Variants in METTL25 observed in about 807,000 individuals in gnomAD.
METTL25 encodes the protein methyltransferase like 25.
METTL25 carries 64 observed loss-of-function variants against 71.6 expected under a neutral mutation model. That is an observed-to-expected ratio of 0.89 (90% CI 0.73 to 1.10). The LOEUF (loss-of-function observed/expected upper bound fraction) is 1.10, where lower values mean the gene tolerates loss of function less well. METTL25 is among the 50% of genes least tolerant of loss of function. METTL25 has a pLI of 0.00. For missense variants in METTL25, 807 were observed against 707.0 expected, an observed-to-expected ratio of 1.14 and a Z score of -1.60; for synonymous variants, 287 against 250.3, an observed-to-expected ratio of 1.15 and a Z score of -1.38.
chr12:82,374,684 G>A (rs1883635966), intron 1 of METTL25, among the ~76,000 whole-genome samples: 1 of 152,214 alleles, frequency 6.6e-6, no homozygotes, highest in Non-Finnish European at 1.5e-5. Flanking sequence ...GAGTATGTGG[G>A]CATTCCAAGT....
intron 4 of METTL25, 53 bp from the exon 5 acceptor site, chr12:82,402,930 A>G (rs1029771023): frequency 7.3e-7 from 1 of 1,374,172 alleles, no homozygotes; most frequent in African/African-American, 1.5e-5. Context: ...TAAAAATTTT[A>G]AACAACCCTC....
chr12:82,373,100 G>A (rs1038093748), intron 1 of METTL25, among the ~76,000 whole-genome samples: 9 of 152,138 alleles, frequency 5.9e-5, no homozygotes, highest in Non-Finnish European at 4.4e-5. Context: ...GTCCCTTACT[G>A]ATGCATTATC....
chr12:82,430,769 T>C (rs1889416541), intron 5 of METTL25, 124 bp from the exon 6 acceptor site: 3 of 544,858 alleles, frequency 5.5e-6, no homozygotes, highest in South Asian at 5.6e-5. Context: ...AACATCACCA[T>C]TTCCATGTTT....
chr12:82,448,272 G>A (rs1212267922), intron 8 of METTL25, among the ~76,000 whole-genome samples: 2 of 152,008 alleles, frequency 1.3e-5, no homozygotes, highest in African/African-American at 4.8e-5. Flanking sequence ...TTCTTTAAGT[G>A]TAATTGTTTA....
chr12:82,458,589 T>G (rs757678589), intron 9 of METTL25, among the ~76,000 whole-genome samples: 4 of 151,948 alleles, frequency 2.6e-5, no homozygotes, highest in African/African-American at 4.8e-5. Context: ...CTTTGTGAGT[T>G]TTACCTTAAT....
At chr12:82,412,956 A>T (rs1439006309) in intron 5 of METTL25, among the ~76,000 whole-genome samples, 1 of 152,030 alleles carries the variant, frequency 6.6e-6, no homozygotes, top group Non-Finnish European at 1.5e-5. Flanking sequence ...TTAACATAAA[A>T]TTTTAAAAAA....
intron 8 of METTL25, 126 bp downstream of exon 8, chr12:82,438,917 G>A: frequency 1.4e-6 from 1 of 739,246 alleles, no homozygotes; most frequent in Non-Finnish European, 1.9e-6. Context: ...TGAGCATAAT[G>A]TCAATAACAA....
chr12:82,358,655 C>CCTGTCCAT lies in METTL25; in HGVS notation c.91_98dup (p.Ser34CysfsTer32), dbSNP rs755525298. ...GACTGCTGCAGTTCCTGAGGGATGC[C>CCTGTCCAT]CTGTCCATTTCCAATGCACATACCG... On this transcript the variant is annotated frameshift_variant, in exon 1 of 12. Transcript: ENST00000248306. LOFTEE classifies it high-confidence loss of function. The CCTGTCCAT allele has an allele frequency of 6.2e-7, 1 of 1,614,166 alleles. No individual in the cohort carries two copies. The highest frequency in any genetic ancestry group is 1.3e-5 in the African/African-American group (1 of 75,056).
At position 82,373,596 on chromosome 12, in the gene METTL25, G is replaced by T. The variant is rs563673208; in HGVS notation, c.260-13207G>T. Among the ~76,000 whole-genome samples the T allele has an allele frequency of 2.8e-4, 42 of 152,304 alleles. No homozygotes were observed. The South Asian group carries it at 8.7e-3, about 32-fold the overall frequency. On this transcript the variant is annotated intron_variant, in intron 1 of 11. Coordinates refer to ENST00000248306, the MANE Select transcript of METTL25 (RefSeq NM_032230.3). ...AGGCATTAGGACCCAGGAGGCAAGG[G>T]TCAGGATAGATAGGATAGATGAGTG...
In METTL25 at chr12:82,368,391, T is replaced by C. The variant is rs535076577; in HGVS notation, c.259+9567T>C. On this transcript the variant is annotated intron_variant, in intron 1 of 11. Transcript: ENST00000248306. ...ACACATACACACAGACACACACCCC[T>C]GGAATTGTAGCTTCTGTGGAAAACA... Among the ~76,000 whole-genome samples the C allele has an allele frequency of 7.9e-5, 12 of 152,294 alleles. No homozygotes were observed. The East Asian group carries it at 2.1e-3, about 27-fold the overall frequency.
intron 1 of METTL25, among the ~76,000 whole-genome samples, chr12:82,359,332 G>T (rs1280034919): frequency 6.6e-6 from 1 of 152,164 alleles, no homozygotes; most frequent in Non-Finnish European, 1.5e-5. Flanking sequence ...GGTTGCAGGC[G>T]GTGGGAACCG....
rs1885411984 is a variant in METTL25, at chr12:82,389,899, G to A, written c.508G>A (p.Ala170Thr). 3.2e-6 allele frequency: 5 copies of A among 1,575,222 alleles called. No individual in the cohort carries two copies. Among genetic ancestry groups the A allele is most frequent in the Non-Finnish European group, 4.4e-6 (5 of 1,147,904 alleles). The part of the protein sequence containing the change: ...QAMSELISSI[A>T]DYYGIKQVID... ...AATGTCAGAGCTGATCAGCAGTATT[G>A]CTGACTACTATGGAATAAAGCAGGT... is the stretch of plus-strand genomic sequence containing the variant. Residue 170 changes from alanine (A) to threonine (T), a missense_variant, in exon 3 of 12, where the codon GCT becomes ACT. Ala to Thr is a moderately conservative substitution (Grantham distance 58, BLOSUM62 0). Coordinates refer to ENST00000248306, the MANE Select transcript of METTL25 (RefSeq NM_032230.3).
intron 1 of METTL25, among the ~76,000 whole-genome samples, chr12:82,379,134 GTCT>G (rs1592609562): frequency 6.6e-6 from 1 of 152,270 alleles, no homozygotes; most frequent in East Asian, 1.9e-4. Flanking sequence ...AGAGATATTG[GTCT>G]TCTCAGTAAA....
At chr12:82,437,651 A>C (rs762385192) in intron 7 of METTL25, among the ~76,000 whole-genome samples, 4 of 151,722 alleles carry the variant, frequency 2.6e-5, no homozygotes, top group Non-Finnish European at 4.4e-5. Flanking sequence ...AGTTGAAAAC[A>C]TGTGAAAATA....
chr12:82,470,942 C>T (rs1892535611), intron 9 of METTL25, among the ~76,000 whole-genome samples: 2 of 152,076 alleles, frequency 1.3e-5, no homozygotes, highest in African/African-American at 4.8e-5. Context: ...TGAGTAAACC[C>T]TGAATAATTC....
chr12:82,445,043 G>T (rs534942145), intron 8 of METTL25, among the ~76,000 whole-genome samples: 1 of 152,014 alleles, frequency 6.6e-6, no homozygotes, highest in Non-Finnish European at 1.5e-5. Context: ...TGAGAGAAAC[G>T]ACCTAATAGT....
At chr12:82,424,230 T>G (rs2137117580) in intron 5 of METTL25, among the ~76,000 whole-genome samples, 1 of 152,262 alleles carries the variant, frequency 6.6e-6, no homozygotes, top group East Asian at 1.9e-4. Context: ...GTTCATGTCC[T>G]TTGTAGGGAT....
At chr12:82,377,252 C>T (rs1444941701) in intron 1 of METTL25, among the ~76,000 whole-genome samples, 1 of 152,046 alleles carries the variant, frequency 6.6e-6, no homozygotes, top group Non-Finnish European at 1.5e-5. Flanking sequence ...GCTGATTCTT[C>T]TCTGGATCAA....
At chr12:82,456,911 A>G (rs1196446289) in intron 9 of METTL25, 91 bp downstream of exon 9, 1 of 551,628 alleles carries the variant, frequency 1.8e-6, no homozygotes, top group Non-Finnish European at 2.9e-6. Context: ...TTTCCCTTCT[A>G]ATTTTCTCTC....
Sources: gnomAD v4.1 joint callset for allele counts (sites outside exome capture counted in the v4.1 genomes callset) on GRCh38, gnomAD v4.1.1 for gene constraint, MANE v1.5 for transcripts, NCBI Gene and HGNC (gene_info 2026-07-23, HGNC 2026-07-21) for gene names.